Variants in CLASP1 observed in about 807,000 individuals in gnomAD.
CLASP1 encodes the protein cytoplasmic linker associated protein 1.
CLASP1 carries 38 observed loss-of-function variants against 192.3 expected under a neutral mutation model. The observed-to-expected ratio is 0.20, with a 90% CI of 0.15 to 0.26. CLASP1 has a LOEUF of 0.26. CLASP1 is among the 10% of genes least tolerant of loss of function. CLASP1 has a pLI of 1.00. For synonymous variants in CLASP1, 691 were observed against 712.8 expected, an observed-to-expected ratio of 0.97 and a Z score of 0.49; for missense variants, 1,433 against 1,932.5, an observed-to-expected ratio of 0.74 and a Z score of 4.85.
intron 1 of CLASP1, among the ~76,000 whole-genome samples, chr2:121,641,215 A>G (rs981267588): frequency 1.3e-5 from 2 of 152,156 alleles, no homozygotes; most frequent in African/African-American, 4.8e-5. Flanking sequence ...ACTGTTCGTA[A>G]CAGAGTCTGC....
chr2:121,447,816 C>T (rs1171790440), intron 18 of CLASP1, among the ~76,000 whole-genome samples: 1 of 152,098 alleles, frequency 6.6e-6, no homozygotes, highest in Non-Finnish European at 1.5e-5. Context: ...GGAAAAAATG[C>T]TCACATCTAG....
chr2:121,525,777 G>C, intron 6 of CLASP1, 68 bp downstream of exon 6: 1 of 1,096,296 alleles, frequency 9.1e-7, no homozygotes, highest in Non-Finnish European at 1.4e-6. Context: ...ACCCACTACG[G>C]AACACCAGAA....
chr2:121,424,795 A>G (rs2080103451), intron 22 of CLASP1, among the ~76,000 whole-genome samples: 1 of 152,236 alleles, frequency 6.6e-6, no homozygotes, highest in Admixed American at 6.5e-5. Flanking sequence ...GTTAATGTCT[A>G]CTTAGTGCTA....
intron 2 of CLASP1, among the ~76,000 whole-genome samples, chr2:121,573,052 C>G (rs1202348297): frequency 6.6e-6 from 1 of 152,136 alleles, no homozygotes; most frequent in African/African-American, 2.4e-5. Flanking sequence ...CTCCACCTCC[C>G]GGGTTCAAGC....
chr2:121,365,380 C>T lies in CLASP1; in HGVS notation c.3887-96G>A, dbSNP rs2304662. Reference sequence around the variant, plus strand: ...GCAGTGATCCTTCCCTTCCTGCCTCCTCTCCCAGAGGCGATGCCTCCTTCA... The same window carrying T: ...GCAGTGATCCTTCCCTTCCTGCCTCTTCTCCCAGAGGCGATGCCTCCTTCA... On this transcript the variant is annotated intron_variant, in intron 35 of 39. Coordinates refer to ENST00000263710, the Ensembl canonical transcript of CLASP1. 9,955 of 1,170,030 alleles carry T rather than the reference C, an allele frequency of 8.5e-3. 553 individuals carry two copies. In the East Asian group the frequency reaches 0.15, roughly 17 times the overall value. 72.5% of individuals were successfully genotyped at this position (1,170,030 alleles called of 1,614,324 possible).
intron 37 of CLASP1, among the ~76,000 whole-genome samples, chr2:121,356,884 C>T (rs1327605653): frequency 1.3e-5 from 2 of 152,132 alleles, no homozygotes; most frequent in African/African-American, 2.4e-5. Flanking sequence ...CCAACAGGGA[C>T]AAATGATGAG....
chr2:121,419,364 A>G (rs2079113867), intron 22 of CLASP1, among the ~76,000 whole-genome samples: 1 of 152,186 alleles, frequency 6.6e-6, no homozygotes, highest in South Asian at 2.1e-4. Context: ...GCAGATATAA[A>G]AAGTGGGGAC....
At chr2:121,421,694 C>T (rs556481455) in intron 22 of CLASP1, among the ~76,000 whole-genome samples, 7 of 152,298 alleles carry the variant, frequency 4.6e-5, no homozygotes, top group African/African-American at 1.7e-4. Flanking sequence ...AGGCACGCAC[C>T]ACCACATCCA....
chr2:121,425,419 A>G, intron 21 of CLASP1, 113 bp from the exon 22 acceptor site: 2 of 831,478 alleles, frequency 2.4e-6, no homozygotes, highest in Non-Finnish European at 3.6e-6. Flanking sequence ...ACAATTTTAT[A>G]TAAAAATAAA....
chr2:121,620,693 G>C (rs576841926), intron 1 of CLASP1, among the ~76,000 whole-genome samples: 8 of 152,256 alleles, frequency 5.3e-5, no homozygotes, highest in African/African-American at 1.9e-4. Context: ...CAGCATCTTT[G>C]AAGAAGTATC....
At chr2:121,410,706 G>C (rs2077579199) in intron 24 of CLASP1, 160 bp downstream of exon 25, 2 of 549,182 alleles carry the variant, frequency 3.6e-6, no homozygotes, top group Non-Finnish European at 6.4e-6. Flanking sequence ...AGTTTAAGGG[G>C]CAAACAATAA....
chr2:121,577,877 G>A (rs1404409313), intron 2 of CLASP1, among the ~76,000 whole-genome samples: 1 of 152,040 alleles, frequency 6.6e-6, no homozygotes, highest in Non-Finnish European at 1.5e-5. Flanking sequence ...GAGTTCAAGA[G>A]TACCCTGGGC....
intron 2 of CLASP1, chr2:121,531,112 T>TG: frequency 3.1e-6 from 2 of 637,798 alleles, no homozygotes; most frequent in Non-Finnish European, 5.8e-6. Flanking sequence ...ACGCGTGGTT[T>TG]TAGTGTCGCA....
At chr2:121,340,820 A>T (rs1205793317) in exon 40 of CLASP1, 1 of 1,493,424 alleles carries the variant, frequency 6.7e-7, no homozygotes, top group African/African-American at 1.4e-5. Context: ...GAGAGGCACC[A>T]CCGATTGCTT....
chr2:121,529,950 G>A (rs934765), intron 3 of CLASP1, among the ~76,000 whole-genome samples: 37,697 of 152,138 alleles, frequency 0.25, 7,389 homozygotes, highest in African/African-American at 0.54. Flanking sequence ...TAAGTTCCGT[G>A]TGAGAACACA....
intron 32 of CLASP1, among the ~76,000 whole-genome samples, chr2:121,384,005 T>TAC (rs368230291): frequency 0.026 from 3,570 of 137,914 alleles, 62 homozygotes; most frequent in Middle Eastern, 0.039. Flanking sequence ...TATATATATA[T>TAC]ATACACACAC....
At chr2:121,397,974 T>C (rs1232561827) in intron 29 of CLASP1, among the ~76,000 whole-genome samples, 1 of 152,232 alleles carries the variant, frequency 6.6e-6, no homozygotes, top group African/African-American at 2.4e-5. Flanking sequence ...CACAAGAATG[T>C]CTTAATTTTC....
At position 121,487,579 on chromosome 2, in the gene CLASP1, C is replaced by A. The variant is rs549913030; in HGVS notation, c.712+15588G>T. Among the ~76,000 whole-genome samples the A allele has an allele frequency of 3.3e-5, 5 of 152,260 alleles. No individual in the cohort carries two copies. In the South Asian group the frequency reaches 1.0e-3, roughly 32 times the overall value. On this transcript the variant is annotated intron_variant, in intron 8 of 39. Transcript: ENST00000263710. ...GTTTCTCAGACTTTGTTTTCAATGACCTTGACATGGTTAGGGAGTTTACAG... is the reference window on the plus strand; with the variant it reads ...GTTTCTCAGACTTTGTTTTCAATGAACTTGACATGGTTAGGGAGTTTACAG...
chr2:121,571,411 A>G (rs1320845307), intron 2 of CLASP1, among the ~76,000 whole-genome samples: 1 of 152,168 alleles, frequency 6.6e-6, no homozygotes, highest in East Asian at 1.9e-4. Context: ...CCAAGCTAAT[A>G]TAATTAAATT....
Sources: gnomAD v4.1 joint callset for allele counts (sites outside exome capture counted in the v4.1 genomes callset) on GRCh38, gnomAD v4.1.1 for gene constraint, MANE v1.5 for transcripts, NCBI Gene and HGNC (gene_info 2026-07-23, HGNC 2026-07-21) for gene names.